The following PRRG1 variants were observed in gnomAD, a reference collection of about 807,000 sequenced individuals.
The protein encoded by PRRG1 is proline rich and Gla domain 1.
In PRRG1, 5 loss-of-function variants were observed where a neutral mutation model predicts 11.8. That is an observed-to-expected ratio of 0.42 (90% CI 0.22 to 0.89). The LOEUF is 0.89. PRRG1 is among the 40% of genes least tolerant of loss of function. The pLI, the probability that PRRG1 is intolerant of heterozygous loss-of-function variation, is 0.28. For missense variants in PRRG1, 155 were observed against 166.1 expected (o/e 0.93, Z 0.37); for synonymous variants, 66 against 60.4 (o/e 1.09, Z -0.43).
intron 2 of PRRG1, 169 bp from the exon 3 acceptor site, chrX:37,425,671 A>G: frequency 2.4e-6 from 1 of 418,894 alleles, no homozygotes; most frequent in East Asian, 4.0e-5. Context: ...ACATACTCAC[A>G]TCATGAGGAA....
intron 1 of PRRG1, among the ~76,000 whole-genome samples, chrX:37,401,039 G>A (rs1271871871): frequency 0.019 from 2,083 of 110,186 alleles, 47 homozygotes; most frequent in African/African-American, 0.059. Flanking sequence ...ATTCACAGCC[G>A]AATTCTACCA....
intron 1 of PRRG1, among the ~76,000 whole-genome samples, chrX:37,366,614 C>T (rs1336213895): frequency 5.3e-5 from 6 of 112,164 alleles, no homozygotes; most frequent in African/African-American, 1.9e-4. Context: ...GGCAAGCCAA[C>T]CTAACAGCTG....
chrX:37,354,493 C>T (rs943762537), intron 1 of PRRG1, among the ~76,000 whole-genome samples: 4 of 107,917 alleles, frequency 3.7e-5, no homozygotes, highest in Non-Finnish European at 7.7e-5. Flanking sequence ...CCTGGGTTCA[C>T]GCCATTCTCC....
rs782251843 is a variant in PRRG1, at chrX:37,406,214, C to T, written c.-36C>T. 7.4e-6 allele frequency: 9 copies of T among 1,209,892 alleles called. No homozygotes were observed. The South Asian group carries it at 1.4e-4, about 19-fold the overall frequency. ...ATGTGCTCTGTTTTGTACAGGGAATCATCATCCAGGGACGTGCCAGAAACC... is the reference window on the plus strand; with the variant it reads ...ATGTGCTCTGTTTTGTACAGGGAATTATCATCCAGGGACGTGCCAGAAACC... On this transcript the variant is annotated 5_prime_UTR_variant, in exon 2 of 4. Coordinates refer to ENST00000378628, the MANE Select transcript of PRRG1 (RefSeq NM_001142395.2).
intron 1 of PRRG1, among the ~76,000 whole-genome samples, chrX:37,384,171 A>T (rs782403610): frequency 9.0e-6 from 1 of 111,628 alleles, no homozygotes; most frequent in East Asian, 2.8e-4. Context: ...TACAAGTGAT[A>T]TACTTTCCCG....
At chrX:37,383,843 G>A (rs1441871501) in intron 1 of PRRG1, among the ~76,000 whole-genome samples, 1 of 110,909 alleles carries the variant, frequency 9.0e-6, no homozygotes, top group East Asian at 2.8e-4. Context: ...TACAACCAAA[G>A]CCACATTGTT....
At chrX:37,374,075 A>G (rs184464666) in intron 1 of PRRG1, among the ~76,000 whole-genome samples, 2 of 112,210 alleles carry the variant, frequency 1.8e-5, no homozygotes, top group African/African-American at 3.2e-5. Flanking sequence ...TGTCATATTT[A>G]TAGCTTTCTA....
In PRRG1 at chrX:37,453,325, C is replaced by G; in HGVS notation, c.361C>G (p.Pro121Ala). The change falls in exon 4 of 4, where the codon CCT becomes GCT. Residue 121 changes from proline (P) to alanine (A), a missense_variant. By Grantham distance (27) the Pro-to-Ala change is conservative. Coordinates refer to ENST00000378628, the MANE Select transcript of PRRG1 (RefSeq NM_001142395.2). ...RRQTVTEGHI[P>A]FPQHLNIITP... ...ACAGACAGTGACTGAAGGCCACATT[C>G]CTTTCCCTCAGCACCTTAATATTAT... The G allele has an allele frequency of 8.3e-7, 1 of 1,208,992 alleles. No homozygotes were observed. Among genetic ancestry groups the G allele is most frequent in the Non-Finnish European group, 1.1e-6 (1 of 893,260 alleles).
At chrX:37,413,107 G>A (rs1932393624) in intron 2 of PRRG1, among the ~76,000 whole-genome samples, 1 of 110,863 alleles carries the variant, frequency 9.0e-6, no homozygotes, top group Non-Finnish European at 1.9e-5. Context: ...TACCAGAGAG[G>A]TACATTTGTT....
At position 37,453,775 on chromosome X, in the gene PRRG1, T is replaced by A; in HGVS notation, c.*154T>A. 1.6e-6 allele frequency: 1 copy of A among 632,676 alleles called. No individual in the cohort carries two copies. The highest frequency in any genetic ancestry group is 2.2e-6 in the Non-Finnish European group (1 of 448,150). The allele number at this position is 632,676 out of a possible 1,213,427, so 52.1% of individuals were successfully genotyped here. A position where few individuals can be genotyped will look rare whatever the true frequency, so the allele number is the denominator to read the frequency against. ...GTTTTATTTTCTTTAGTTTTGTTTC[T>A]TGTTATAGAATCATTATCCATGCTC... On this transcript the variant is annotated 3_prime_UTR_variant, in exon 4 of 4. Coordinates refer to ENST00000378628, the MANE Select transcript of PRRG1 (RefSeq NM_001142395.2).
chrX:37,368,701 G>GTTT (rs373499744), intron 1 of PRRG1, among the ~76,000 whole-genome samples: 1 of 108,205 alleles, frequency 9.2e-6, no homozygotes, highest in African/African-American at 3.4e-5. Context: ...CCTAAGATCT[G>GTTT]TTTTTTTTTA....
intron 1 of PRRG1, among the ~76,000 whole-genome samples, chrX:37,383,966 C>T (rs990093594): frequency 5.5e-5 from 6 of 108,504 alleles, no homozygotes; most frequent in Non-Finnish European, 9.6e-5. Flanking sequence ...AAAATTTAAT[C>T]GGTAAACTAA....
intron 1 of PRRG1, among the ~76,000 whole-genome samples, chrX:37,370,107 C>G (rs1403222820): frequency 1.8e-5 from 2 of 111,593 alleles, no homozygotes; most frequent in Non-Finnish European, 3.8e-5. Context: ...ACTTTCTGTG[C>G]TTGGCTTATT....
intron 3 of PRRG1, among the ~76,000 whole-genome samples, chrX:37,427,748 C>T (rs782522923): frequency 1.8e-5 from 2 of 111,965 alleles, no homozygotes; most frequent in African/African-American, 3.2e-5. Context: ...CTTAATATAA[C>T]GTCCTCCAGG....
In PRRG1 at chrX:37,453,353, C is replaced by A. The variant is rs1462615503; in HGVS notation, c.389C>A (p.Thr130Asn). ...IPFPQHLNII[T>N]PPPPPDEVFD... ...TTCCCTCAGCACCTTAATATTATCA[C>A]CCCACCCCCCCCACCAGATGAAGTG... The change falls in exon 4 of 4, where the codon ACC becomes AAC. Residue 130 changes from threonine (T) to asparagine (N), a missense_variant. Physicochemically the swap from Thr to Asn is moderately conservative, Grantham distance 65. Coordinates refer to ENST00000378628, the MANE Select transcript of PRRG1 (RefSeq NM_001142395.2). 3 of 1,204,799 alleles carry A rather than the reference C, an allele frequency of 2.5e-6. No homozygotes were observed. Among genetic ancestry groups the A allele is most frequent in the African/African-American group, 3.6e-5 (2 of 56,184 alleles).
intron 1 of PRRG1, among the ~76,000 whole-genome samples, chrX:37,354,363 A>C (rs782362500): frequency 2.9e-5 from 3 of 103,480 alleles, no homozygotes; most frequent in South Asian, 8.9e-4. Flanking sequence ...TTAAGCTGGT[A>C]GTGCTTTTTT....
chrX:37,357,158 T>C (rs1556366410), intron 1 of PRRG1, among the ~76,000 whole-genome samples: 1 of 111,642 alleles, frequency 9.0e-6, no homozygotes, highest in African/African-American at 3.3e-5. Flanking sequence ...GTTGGAATTA[T>C]AAAGTATGCG....
intron 3 of PRRG1, among the ~76,000 whole-genome samples, chrX:37,430,600 C>T (rs1169703403): frequency 9.0e-6 from 1 of 111,634 alleles, no homozygotes; most frequent in Non-Finnish European, 1.9e-5. Flanking sequence ...AACTTATATT[C>T]ATTCATGCAT....
At chrX:37,446,101 C>T (rs1220162053) in intron 3 of PRRG1, among the ~76,000 whole-genome samples, 2 of 112,299 alleles carry the variant, frequency 1.8e-5, no homozygotes, top group African/African-American at 6.5e-5. Context: ...TGCGTAATTT[C>T]CCTATCAAAC....
Sources: gnomAD v4.1 joint callset for allele counts (sites outside exome capture counted in the v4.1 genomes callset) on GRCh38, gnomAD v4.1.1 for gene constraint, MANE v1.5 for transcripts, NCBI Gene and HGNC (gene_info 2026-07-23, HGNC 2026-07-21) for gene names.